CAPZA2: variants seen among roughly 807,000 people sequenced by gnomAD.
CAPZA2 encodes the protein F-actin-capping protein subunit alpha-2.
In CAPZA2, 13 loss-of-function variants were observed where a neutral mutation model predicts 44.0. The observed-to-expected ratio is 0.30, with a 90% CI of 0.19 to 0.47. CAPZA2 has a LOEUF of 0.47. Among genes scored for constraint, CAPZA2 ranks in the 20% least tolerant of loss-of-function variants. The probability of loss-of-function intolerance (pLI) is 1.00; values close to 1 mark genes in which losing one functional copy is unlikely to be tolerated. For synonymous variants in CAPZA2, 94 were observed against 108.2 expected (o/e 0.87, Z 0.81); for missense variants, 244 against 338.6 (o/e 0.72, Z 2.19).
Position 116,917,885 on chromosome 7 carries a change from C to CGGAT in CAPZA2, c.*19_*22dup. 6.2e-7 allele frequency: 1 copy of CGGAT among 1,602,674 alleles called. No homozygotes were observed. Among genetic ancestry groups the CGGAT allele is most frequent in the South Asian group, 1.1e-5 (1 of 90,820 alleles). On this transcript the variant is annotated 3_prime_UTR_variant, in exon 10 of 10. Coordinates refer to ENST00000361183, the MANE Select transcript of CAPZA2 (RefSeq NM_006136.3). Reference sequence around the variant, plus strand: ...ATGCATAAGATGAACATTGCATGACCGGATCATTTTAGTGTCTTTGCGTTA... The same window carrying CGGAT: ...ATGCATAAGATGAACATTGCATGACCGGATGGATCATTTTAGTGTCTTTGCGTTA...
chr7:116,899,336 A>T (rs1308340016), intron 4 of CAPZA2, among the ~76,000 whole-genome samples: 1 of 151,972 alleles, frequency 6.6e-6, no homozygotes, highest in Non-Finnish European at 1.5e-5. Context: ...GATTATATGA[A>T]TGCATTTCAT....
At chr7:116,912,258 T>G (rs1292864744) in intron 8 of CAPZA2, 118 bp downstream of exon 8, 2 of 1,444,844 alleles carry the variant, frequency 1.4e-6, no homozygotes, top group East Asian at 4.8e-5. Flanking sequence ...TCTGATAGAT[T>G]AAAGATAAGT....
chr7:116,888,978 C>T (rs1055681415), intron 2 of CAPZA2, among the ~76,000 whole-genome samples: 1 of 152,120 alleles, frequency 6.6e-6, no homozygotes, highest in Non-Finnish European at 1.5e-5. Context: ...ACATTTTCAT[C>T]CTGCATAGAG....
intron 8 of CAPZA2, among the ~76,000 whole-genome samples, chr7:116,915,128 C>T (rs1791662312): frequency 6.6e-6 from 1 of 151,920 alleles, no homozygotes; most frequent in Admixed American, 6.6e-5. Context: ...AAATACAAAA[C>T]CCCATCTCCA....
rs533130432 is a variant in CAPZA2, at chr7:116,871,657, T to G, written c.39+9007T>G. On this transcript the variant is annotated intron_variant, in intron 1 of 9. Transcript: ENST00000361183. ...CGGCATTTCAGTCTTGTTTGCCTTG[T>G]AAACTACTCATCTTTGGATAACCAG... Among the ~76,000 whole-genome samples the G allele has an allele frequency of 9.2e-5, 14 of 152,374 alleles. No homozygotes were observed. The South Asian group carries it at 2.7e-3, about 29-fold the overall frequency.
intron 1 of CAPZA2, among the ~76,000 whole-genome samples, chr7:116,883,127 C>T (rs1796721613): frequency 6.6e-6 from 1 of 152,152 alleles, no homozygotes; most frequent in East Asian, 1.9e-4. Context: ...TATCTAATAA[C>T]TCACTAGATT....
At chr7:116,913,533 G>C (rs1463762674) in intron 8 of CAPZA2, among the ~76,000 whole-genome samples, 4 of 151,832 alleles carry the variant, frequency 2.6e-5, no homozygotes, top group Non-Finnish European at 5.9e-5. Flanking sequence ...TTTGAACTTG[G>C]TTTTATTTCT....
At chr7:116,885,233 T>C (rs979524465) in intron 1 of CAPZA2, among the ~76,000 whole-genome samples, 5 of 152,162 alleles carry the variant, frequency 3.3e-5, no homozygotes, top group African/African-American at 1.2e-4. Flanking sequence ...ACATTTTGAA[T>C]AAGTCCAGCT....
Position 116,912,101 on chromosome 7 carries a change from A to G in CAPZA2, c.618A>G (p.Leu206=). The change falls in exon 8 of 10, where the codon CTA becomes CTG. Residue 206 remains leucine, a synonymous_variant. Transcript: ENST00000361183. ...VHYYEDGNVQ[L]VSHKDIQDSL... is the part of the protein sequence containing the mutation. ...ATTATGAAGATGGTAATGTTCAGCTAGTGAGTCATAAAGATATACAAGATT... is the reference window on the plus strand; with the variant it reads ...ATTATGAAGATGGTAATGTTCAGCTGGTGAGTCATAAAGATATACAAGATT... 6.2e-7 allele frequency: 1 copy of G among 1,613,124 alleles called. No individual in the cohort carries two copies. The highest frequency in any genetic ancestry group is 8.5e-7 in the Non-Finnish European group (1 of 1,179,366).
intron 1 of CAPZA2, among the ~76,000 whole-genome samples, chr7:116,868,659 G>A (rs1342048596): frequency 2.0e-5 from 3 of 152,128 alleles, no homozygotes; most frequent in East Asian, 1.9e-4. Flanking sequence ...GCTTGGACCC[G>A]GGAGGTGGAT....
At chr7:116,906,157 T>C in intron 5 of CAPZA2, 106 bp from the exon 6 acceptor site, 1 of 1,449,806 alleles carries the variant, frequency 6.9e-7, no homozygotes, top group Non-Finnish European at 9.1e-7. Flanking sequence ...GTATTTTATG[T>C]GTTCTTGTCA....
At chr7:116,915,416 G>GT (rs1236448215) in intron 8 of CAPZA2, 2 of 151,852 alleles carry the variant, frequency 1.3e-5, no homozygotes, top group African/African-American at 2.4e-5. Flanking sequence ...GTTTGTGCTC[G>GT]TTTTTTTAGG....
chr7:116,898,928 T>G, intron 4 of CAPZA2, 93 bp downstream of exon 4: 1 of 684,328 alleles, frequency 1.5e-6, no homozygotes, highest in Non-Finnish European at 2.4e-6. Context: ...AGATAAAAAA[T>G]TATTCATATT....
chr7:116,899,416 G>T (rs956445985), intron 4 of CAPZA2, among the ~76,000 whole-genome samples: 2 of 151,828 alleles, frequency 1.3e-5, no homozygotes, highest in African/African-American at 4.8e-5. Flanking sequence ...AAGCGAAAGT[G>T]GTTAAGAAAG....
chr7:116,907,353 A>G (rs901380159), intron 6 of CAPZA2, among the ~76,000 whole-genome samples: 26 of 152,198 alleles, frequency 1.7e-4, no homozygotes, highest in African/African-American at 6.0e-4. Flanking sequence ...AGTTACTTTT[A>G]TGGACTTAAT....
In CAPZA2 at chr7:116,917,934, G is replaced by A; in HGVS notation, c.*67G>A. On this transcript the variant is annotated 3_prime_UTR_variant, in exon 10 of 10. Coordinates refer to ENST00000361183, the MANE Select transcript of CAPZA2 (RefSeq NM_006136.3). ...TAAAAAATCATTGCAAAAGTATTCTGAACTGTCAAGCTGCCCAGTCAGATG... is the reference window on the plus strand; with the variant it reads ...TAAAAAATCATTGCAAAAGTATTCTAAACTGTCAAGCTGCCCAGTCAGATG... 2 of 1,360,868 alleles carry A rather than the reference G, an allele frequency of 1.5e-6. No homozygotes were observed. Among genetic ancestry groups the A allele is most frequent in the Non-Finnish European group, 2.1e-6 (2 of 957,880 alleles). 84.3% of individuals were successfully genotyped at this position (1,360,868 alleles called of 1,614,324 possible).
intron 5 of CAPZA2, 52 bp from the exon 6 acceptor site, chr7:116,906,211 G>A (rs1202334599): frequency 6.3e-7 from 1 of 1,582,486 alleles, no homozygotes; most frequent in East Asian, 2.3e-5. Context: ...TTTAAAGTTG[G>A]ACATTCCATG....
At chr7:116,898,744 T>G (rs778565310) in intron 3 of CAPZA2, 28 bp from the exon 4 acceptor site, 2 of 1,458,836 alleles carry the variant, frequency 1.4e-6, no homozygotes, top group South Asian at 2.5e-5. Flanking sequence ...TATATAATTT[T>G]AAGTAATTGC....
intron 4 of CAPZA2, among the ~76,000 whole-genome samples, chr7:116,903,233 A>AGAGTGTGT (rs372696249): frequency 1.1e-3 from 167 of 146,438 alleles, no homozygotes; most frequent in Middle Eastern, 3.5e-3. Flanking sequence ...TGCAGAGAAG[A>AGAGTGTGT]GTGTGTGTGT....
Sources: gnomAD v4.1 joint callset for allele counts (sites outside exome capture counted in the v4.1 genomes callset) on GRCh38, gnomAD v4.1.1 for gene constraint, MANE v1.5 for transcripts, NCBI Gene and HGNC (gene_info 2026-07-23, HGNC 2026-07-21) for gene names.